LARGE1: variants seen among roughly 807,000 people sequenced by gnomAD.
The protein encoded by LARGE1 is LARGE xylosyl- and glucuronyltransferase 1.
Under a neutral mutation model 87.6 loss-of-function variants are expected in LARGE1, and 43 were observed. That is an observed-to-expected ratio of 0.49 (90% CI 0.38 to 0.63). The LOEUF (loss-of-function observed/expected upper bound fraction) is 0.63, where lower values mean the gene tolerates loss of function less well. LARGE1 is among the 30% of genes least tolerant of loss of function. LARGE1 has a pLI of 0.00. For missense variants in LARGE1, 802 were observed against 1,000.2 expected, an observed-to-expected ratio of 0.80 and a Z score of 2.67; for synonymous variants, 434 against 394.6, an observed-to-expected ratio of 1.10 and a Z score of -1.18.
chr22:33,109,205 C>A, the LARGE1 span: 13 of 152,070 alleles, frequency 8.5e-5, no homozygotes, highest in African/African-American at 3.1e-4. Flanking sequence ...CAACACAGAG[C>A]CCCATCTCTC....
At chr22:33,192,470 G>A (rs925013533) in intron 11 of LARGE1, among the ~76,000 whole-genome samples, 10 of 151,868 alleles carry the variant, frequency 6.6e-5, no homozygotes, top group South Asian at 6.2e-4. Flanking sequence ...GTGTGTCTTC[G>A]TTTGAGAAAT....
chr22:33,367,997 C>T (rs1443758716), intron 9 of LARGE1, among the ~76,000 whole-genome samples: 3 of 151,854 alleles, frequency 2.0e-5, no homozygotes, highest in Middle Eastern at 3.2e-3. Context: ...TTGTTACTGC[C>T]TTCTTATTTA....
chr22:33,537,699 CG>C (rs545624680), intron 6 of LARGE1, among the ~76,000 whole-genome samples: 136 of 152,104 alleles, frequency 8.9e-4, no homozygotes, highest in African/African-American at 3.2e-3. Context: ...CCCAAGTAGC[CG>C]GGACTACAGG....
At chr22:33,586,016 C>T (rs2078662613) in intron 5 of LARGE1, among the ~76,000 whole-genome samples, 1 of 152,118 alleles carries the variant, frequency 6.6e-6, no homozygotes, top group South Asian at 2.1e-4. Context: ...TCTTTTTCAT[C>T]TGTTACTTCT....
chr22:33,584,675 G>GAAA (rs71187271), intron 5 of LARGE1, among the ~76,000 whole-genome samples: 4 of 146,582 alleles, frequency 2.7e-5, no homozygotes, highest in African/African-American at 1.0e-4. Flanking sequence ...CTGTGCTACT[G>GAAA]AAAAAAAAAA....
chr22:33,813,708 A>G (rs2086568700), intron 1 of LARGE1, among the ~76,000 whole-genome samples: 1 of 152,170 alleles, frequency 6.6e-6, no homozygotes, highest in Non-Finnish European at 1.5e-5. Context: ...TTCACAGTGA[A>G]GACAGGAAGC....
intron 11 of LARGE1, chr22:33,305,478 A>G (rs1231038387): frequency 7.4e-6 from 4 of 540,762 alleles, no homozygotes; most frequent in Non-Finnish European, 9.5e-6. Flanking sequence ...CGTCTGGTAC[A>G]TAAAATCTAT....
intron 7 of LARGE1, among the ~76,000 whole-genome samples, chr22:33,402,985 G>A (rs1052757580): frequency 2.0e-5 from 3 of 152,130 alleles, no homozygotes; most frequent in Admixed American, 6.6e-5. Flanking sequence ...AAATCCATGC[G>A]TTTTCTAATA....
At chr22:33,721,429 A>G (rs1342811639) in intron 2 of LARGE1, among the ~76,000 whole-genome samples, 1 of 152,234 alleles carries the variant, frequency 6.6e-6, no homozygotes, top group Non-Finnish European at 1.5e-5. Context: ...CTTGATAACC[A>G]CAGAGGACTA....
intron 1 of LARGE1, among the ~76,000 whole-genome samples, chr22:33,809,270 C>CAAAA (rs1342499766): frequency 6.8e-6 from 1 of 147,192 alleles, no homozygotes; most frequent in East Asian, 2.0e-4. Context: ...GACTCCATCT[C>CAAAA]AAAAAAAAAA....
intron 2 of LARGE1, among the ~76,000 whole-genome samples, chr22:33,723,635 G>A (rs1458185952): frequency 6.6e-6 from 1 of 152,174 alleles, no homozygotes; most frequent in Non-Finnish European, 1.5e-5. Context: ...ACTAAGAAAT[G>A]TTGGAAGATA....
chr22:33,292,848 G>A (rs956968060), intron 12 of LARGE1, among the ~76,000 whole-genome samples: 2 of 152,094 alleles, frequency 1.3e-5, no homozygotes, highest in Admixed American at 1.3e-4. Context: ...GCAATCATGG[G>A]CCATTTTCTT....
chr22:33,078,073 T>A, the LARGE1 span, among the ~76,000 whole-genome samples: 2 of 152,178 alleles, frequency 1.3e-5, no homozygotes, highest in Non-Finnish European at 2.9e-5. Context: ...AGAAAATAAC[T>A]GGTAATGGTG....
intron 1 of LARGE1, among the ~76,000 whole-genome samples, chr22:33,782,725 C>G (rs893661650): frequency 4.0e-5 from 6 of 151,764 alleles, no homozygotes; most frequent in African/African-American, 1.5e-4. Flanking sequence ...ATTAGCTGGG[C>G]GTGGTGGTGC....
chr22:33,739,919 T>G (rs1387974797), intron 2 of LARGE1, among the ~76,000 whole-genome samples: 2 of 152,202 alleles, frequency 1.3e-5, no homozygotes, highest in Non-Finnish European at 2.9e-5. Flanking sequence ...ACCCCCTGAA[T>G]GTAGAAAGAC....
chr22:33,525,287 G>A (rs925750125), intron 6 of LARGE1, among the ~76,000 whole-genome samples: 12 of 152,094 alleles, frequency 7.9e-5, no homozygotes, highest in Middle Eastern at 3.2e-3. Context: ...AACTGCTTCC[G>A]CTGCAAATTC....
chr22:33,643,858 C>A (rs1448822838), intron 3 of LARGE1, among the ~76,000 whole-genome samples: 1 of 152,052 alleles, frequency 6.6e-6, no homozygotes, highest in Non-Finnish European at 1.5e-5. Context: ...CAAGACTAAA[C>A]CAGGAAGAAA....
downstream of LARGE1, among the ~76,000 whole-genome samples, chr22:33,160,239 G>A (rs1427743805): frequency 1.3e-5 from 2 of 152,138 alleles, no homozygotes; most frequent in Non-Finnish European, 2.9e-5. Context: ...GAACCTATTT[G>A]AATTACATTT....
intron 1 of LARGE1, among the ~76,000 whole-genome samples, chr22:33,817,940 G>A (rs1191819379): frequency 1.3e-5 from 2 of 148,946 alleles, no homozygotes; most frequent in Admixed American, 6.8e-5. Flanking sequence ...AAAGGGGGAG[G>A]AGAGGAAGGA....
Sources: gnomAD v4.1 joint callset for allele counts (sites outside exome capture counted in the v4.1 genomes callset) on GRCh38, gnomAD v4.1.1 for gene constraint, MANE v1.5 for transcripts, NCBI Gene and HGNC (gene_info 2026-07-23, HGNC 2026-07-21) for gene names.